The following HEATR4 variants were observed in gnomAD, a reference collection of about 807,000 sequenced individuals.
The protein encoded by HEATR4 is HEAT repeat-containing protein 4.
In HEATR4, 95 loss-of-function variants were observed where a neutral mutation model predicts 108.8. The ratio of observed to expected loss-of-function variants is 0.87; its 90% CI spans 0.74 to 1.04. The LOEUF (loss-of-function observed/expected upper bound fraction) is 1.04. Among genes scored for constraint, HEATR4 ranks in the 50% least tolerant of loss-of-function variants. The pLI is 0.00. For synonymous variants in HEATR4, 443 were observed against 459.4 expected (o/e 0.96, Z 0.46); for missense variants, 1,152 against 1,253.8 (o/e 0.92, Z 1.23).
At chr14:73,491,073 G>A in intron 17 of HEATR4, 1 of 1,595,528 alleles carries the variant, frequency 6.3e-7, no homozygotes, top group Non-Finnish European at 8.5e-7. Flanking sequence ...CCGAAGCGCC[G>A]GCGCAAGCCC....
intron 3 of HEATR4, 133 bp from the exon 4 acceptor site, chr14:73,521,172 A>G (rs1887958195): frequency 5.3e-6 from 4 of 758,604 alleles, no homozygotes; most frequent in East Asian, 5.1e-5. Flanking sequence ...CAGAACACCA[A>G]TGTTTAACTT....
chr14:73,566,387 G>A, the HEATR4 span, among the ~76,000 whole-genome samples: 4 of 152,226 alleles, frequency 2.6e-5, no homozygotes, highest in East Asian at 7.7e-4. Flanking sequence ...AGCAGGGGGC[G>A]GCGCTCGTCA....
At chr14:73,579,700 T>A in the HEATR4 span, among the ~76,000 whole-genome samples, 4 of 150,998 alleles carry the variant, frequency 2.6e-5, no homozygotes, top group Admixed American at 2.0e-4. Context: ...ATTACAGGCA[T>A]ACACCACTGC....
intron 2 of HEATR4, among the ~76,000 whole-genome samples, chr14:73,526,796 C>T (rs537287880): frequency 3.3e-5 from 5 of 152,276 alleles, no homozygotes; most frequent in Non-Finnish European, 5.9e-5. Flanking sequence ...GGTAGCTAAG[C>T]AGTTCTGGCC....
At chr14:73,494,698 G>A (rs1885996096) in intron 16 of HEATR4, among the ~76,000 whole-genome samples, 1 of 152,072 alleles carries the variant, frequency 6.6e-6, no homozygotes, top group African/African-American at 2.4e-5. Flanking sequence ...CTACCAGTGT[G>A]TGCCACCACA....
the HEATR4 span, among the ~76,000 whole-genome samples, chr14:73,587,017 G>A: frequency 2.0e-5 from 3 of 151,444 alleles, no homozygotes; most frequent in Non-Finnish European, 4.4e-5. Flanking sequence ...GTCCACAAGT[G>A]TTCAATTATT....
At chr14:73,605,141 GA>G in the HEATR4 span, among the ~76,000 whole-genome samples, 6 of 149,290 alleles carry the variant, frequency 4.0e-5, no homozygotes, top group African/African-American at 1.5e-4. Context: ...GATCCAAGAA[GA>G]AAAAAAAACA....
the HEATR4 span, among the ~76,000 whole-genome samples, chr14:73,593,506 TA>T: frequency 1.8e-3 from 254 of 139,692 alleles, no homozygotes; most frequent in Middle Eastern, 7.1e-3. Context: ...ACTGACTAAT[TA>T]AAAAAAAAAA....
At chr14:73,506,804 G>GTTTTTTTTTTGTTTTT (rs1886866979) in intron 9 of HEATR4, among the ~76,000 whole-genome samples, 1 of 80,522 alleles carries the variant, frequency 1.2e-5, no homozygotes, top group Non-Finnish European at 2.2e-5. Context: ...GACTTTAACT[G>GTTTTTTTTTTGTTTTT]TTTTTTTTTT....
At chr14:73,514,298 C>A in intron 5 of HEATR4, 64 bp from the exon 6 acceptor site, 1 of 1,440,680 alleles carries the variant, frequency 6.9e-7, no homozygotes, top group Non-Finnish European at 9.6e-7. Context: ...ACACAGTGGC[C>A]CCAGCTTGCA....
chr14:73,550,660 T>C, intron 1 of HEATR4, among the ~76,000 whole-genome samples: 1 of 111,402 alleles, frequency 9.0e-6, no homozygotes, highest in Non-Finnish European at 1.9e-5. Flanking sequence ...ACCCTCTCTC[T>C]CACAGTATAC....
chr14:73,586,580 C>A, the HEATR4 span, among the ~76,000 whole-genome samples: 12 of 151,850 alleles, frequency 7.9e-5, 1 homozygote, highest in Admixed American at 7.2e-4. Context: ...GTGGCATGCA[C>A]CTGTAGTTCC....
intron 17 of HEATR4, among the ~76,000 whole-genome samples, chr14:73,480,308 G>A (rs1167103629): frequency 2.0e-5 from 3 of 152,050 alleles, no homozygotes; most frequent in African/African-American, 4.8e-5. Flanking sequence ...CAGGCATGGC[G>A]CAGATGCCTG....
At chr14:73,503,500 A>T (rs2140266305) in intron 10 of HEATR4, among the ~76,000 whole-genome samples, 1 of 152,290 alleles carries the variant, frequency 6.6e-6, no homozygotes, top group African/African-American at 2.4e-5. Context: ...TTACTACACG[A>T]TGATGTGTAA....
chr14:73,595,715 A>G, the HEATR4 span: 276 of 1,484,242 alleles, frequency 1.9e-4, no homozygotes, highest in Non-Finnish European at 2.3e-4. Flanking sequence ...CAGTAACCCT[A>G]TGTGAATCAG....
chr14:73,510,830 T>C (rs999853549), intron 7 of HEATR4, among the ~76,000 whole-genome samples: 3 of 152,198 alleles, frequency 2.0e-5, no homozygotes, highest in African/African-American at 7.2e-5. Flanking sequence ...ATTTATGCTT[T>C]ACAGGAACTA....
At position 73,507,055 on chromosome 14, in the gene HEATR4, G is replaced by A. The variant is rs571201555; in HGVS notation, c.1882-484C>T. 1.5e-3 allele frequency among the ~76,000 whole-genome samples: 234 copies of A among 151,682 alleles called. 1 individual carries two copies. Among genetic ancestry groups the A allele is most frequent in the African/African-American group, 5.4e-3 (222 of 41,368 alleles). On this transcript the variant is annotated intron_variant, in intron 9 of 17. Transcript: ENST00000553558. ...TGACCTCAGGTGATCTGCCTGCCTC[G>A]GCCTCCCAAAGTGCTGGGATTACAG...
At chr14:73,571,830 C>T in the HEATR4 span, among the ~76,000 whole-genome samples, 1 of 152,198 alleles carries the variant, frequency 6.6e-6, no homozygotes, top group South Asian at 2.1e-4. Flanking sequence ...TTAGCATTTA[C>T]AATAGGAAAA....
intron 10 of HEATR4, among the ~76,000 whole-genome samples, chr14:73,504,130 T>G (rs1359660519): frequency 6.8e-6 from 1 of 147,512 alleles, no homozygotes; most frequent in African/African-American, 2.5e-5. Context: ...CAGGCTGGAG[T>G]GCAATGGCAC....
Sources: allele counts gnomAD v4.1 joint callset (sites outside exome capture counted in the v4.1 genomes callset), GRCh38; gene constraint gnomAD v4.1.1; transcripts MANE v1.5; gene names NCBI Gene and HGNC (gene_info 2026-07-23, HGNC 2026-07-21).